Variants in TTC39B observed in about 807,000 individuals in gnomAD.
TTC39B encodes the protein tetratricopeptide repeat protein 39B.
A neutral mutation model predicts 96.6 loss-of-function variants in TTC39B; 92 were observed. The observed-to-expected ratio is 0.95, with a 90% confidence interval of 0.80 to 1.13. The LOEUF is 1.13. Ranked by LOEUF, TTC39B falls within the 50% of genes most tolerant of loss-of-function variation. TTC39B has a pLI of 0.00. For synonymous variants in TTC39B, 367 were observed against 299.4 expected (o/e 1.23, Z -2.33); for missense variants, 955 against 809.3 (o/e 1.18, Z -2.18).
chr9:15,173,538 C>T (rs907524968), intron 19 of TTC39B, among the ~76,000 whole-genome samples: 2 of 152,120 alleles, frequency 1.3e-5, no homozygotes, highest in Non-Finnish European at 2.9e-5. Context: ...CATAACTGAC[C>T]ATGCTCTTCT....
At chr9:15,181,516 G>A (rs969768613) in intron 17 of TTC39B, among the ~76,000 whole-genome samples, 1 of 152,132 alleles carries the variant, frequency 6.6e-6, no homozygotes, top group Admixed American at 6.6e-5. Flanking sequence ...AGAGTCTGAT[G>A]GCAGAGCTGG....
chr9:15,299,887 C>T (rs1824522965), intron 1 of TTC39B, among the ~76,000 whole-genome samples: 1 of 152,088 alleles, frequency 6.6e-6, no homozygotes, highest in South Asian at 2.1e-4. Context: ...ATATGTGTTA[C>T]CCAGACTTGA....
At chr9:15,200,069 T>C (rs1819445043) in intron 7 of TTC39B, 144 bp from the exon 8 acceptor site, 1 of 493,692 alleles carries the variant, frequency 2.0e-6, no homozygotes, top group South Asian at 2.9e-5. Context: ...AATTAACACA[T>C]ACTCTTGCTT....
chr9:15,232,207 T>C (rs958573115), intron 2 of TTC39B: 2 of 152,690 alleles, frequency 1.3e-5, no homozygotes, highest in East Asian at 1.9e-4. Flanking sequence ...CAAATGGCTC[T>C]TACCCATAGG....
intron 1 of TTC39B, among the ~76,000 whole-genome samples, chr9:15,280,564 G>A (rs1418002718): frequency 2.0e-5 from 3 of 152,166 alleles, no homozygotes; most frequent in African/African-American, 4.8e-5. Context: ...GCAGAGTCCC[G>A]CTATCAGCTC....
chr9:15,288,610 T>C (rs958985249), intron 1 of TTC39B, among the ~76,000 whole-genome samples: 1 of 152,124 alleles, frequency 6.6e-6, no homozygotes, highest in African/African-American at 2.4e-5. Context: ...CATTCATCCT[T>C]CAAGTCCATG....
chr9:15,230,196 A>G (rs1821346288), intron 2 of TTC39B, among the ~76,000 whole-genome samples: 1 of 152,204 alleles, frequency 6.6e-6, no homozygotes, highest in Non-Finnish European at 1.5e-5. Context: ...ATTTTGCCCT[A>G]TTTTAACGGC....
chr9:15,178,273 A>G (rs1293302592), intron 17 of TTC39B, among the ~76,000 whole-genome samples: 1 of 152,150 alleles, frequency 6.6e-6, no homozygotes, highest in Non-Finnish European at 1.5e-5. Context: ...ATACAATGAA[A>G]TTATTTTAAA....
intron 17 of TTC39B, among the ~76,000 whole-genome samples, chr9:15,178,418 A>T (rs575755528): frequency 3.4e-4 from 51 of 152,146 alleles, no homozygotes; most frequent in Admixed American, 1.0e-3. Flanking sequence ...ACAAAAAAAA[A>T]TTTTTTTAAT....
At chr9:15,191,088 A>G in intron 10 of TTC39B, 102 bp downstream of exon 10, 2 of 805,060 alleles carry the variant, frequency 2.5e-6, no homozygotes, top group Non-Finnish European at 4.1e-6. Flanking sequence ...CAAATTGCCA[A>G]TAATTATCAA....
chr9:15,191,211 A>G lies in TTC39B; in HGVS notation c.975T>C (p.Phe325=), dbSNP rs74818741. ...GTACCCTATTCCCAGAAAATCCAATAAATTCTAGTAGTCTGATAATCCTTG... is the reference window on the plus strand; with the variant it reads ...GTACCCTATTCCCAGAAAATCCAATGAATTCTAGTAGTCTGATAATCCTTG... The change falls in exon 10 of 20, where the codon TTT becomes TTC. Residue 325 remains phenylalanine, a synonymous_variant. Coordinates refer to ENST00000512701, the Ensembl canonical transcript of TTC39B. 4.5e-3 allele frequency: 7,207 copies of G among 1,609,566 alleles called. 289 individuals carry two copies. The African/African-American group carries it at 0.085, about 19-fold the overall frequency.
At chr9:15,177,040 C>T (rs1010300836) in intron 18 of TTC39B, among the ~76,000 whole-genome samples, 1 of 152,130 alleles carries the variant, frequency 6.6e-6, no homozygotes, top group African/African-American at 2.4e-5. Context: ...TCTTTACTGC[C>T]AAATTATTAT....
intron 2 of TTC39B, among the ~76,000 whole-genome samples, chr9:15,228,763 T>G (rs1821268681): frequency 6.6e-6 from 1 of 152,212 alleles, no homozygotes; most frequent in African/African-American, 2.4e-5. Flanking sequence ...ACAAACTAGT[T>G]AAAATATTAC....
chr9:15,302,700 T>C (rs1824639037), intron 1 of TTC39B, among the ~76,000 whole-genome samples: 1 of 151,406 alleles, frequency 6.6e-6, no homozygotes, highest in Non-Finnish European at 1.5e-5. Context: ...AAAAATTAGC[T>C]GGGCATGGTG....
chr9:15,210,009 A>G, intron 6 of TTC39B, 79 bp downstream of exon 6: 1 of 1,000,522 alleles, frequency 1.0e-6, no homozygotes, highest in East Asian at 2.4e-5. Flanking sequence ...TACTTTATAT[A>G]CTTCAGGATG....
intron 13 of TTC39B, among the ~76,000 whole-genome samples, chr9:15,189,090 TG>T (rs1818701499): frequency 6.6e-6 from 1 of 152,144 alleles, no homozygotes; most frequent in Admixed American, 6.5e-5. Context: ...CCCATTTGTG[TG>T]GAAAAAATGG....
At chr9:15,204,535 GA>G (rs112921225) in intron 6 of TTC39B, among the ~76,000 whole-genome samples, 8,398 of 108,968 alleles carry the variant, frequency 0.077, 816 homozygotes, top group African/African-American at 0.25. Context: ...ATCTCAAAAA[GA>G]AAAAAAAAAA....
intron 6 of TTC39B, among the ~76,000 whole-genome samples, chr9:15,207,576 G>A (rs977713643): frequency 2.6e-5 from 4 of 152,102 alleles, no homozygotes; most frequent in Non-Finnish European, 5.9e-5. Context: ...GGGGAATCCT[G>A]GCCATTTGTT....
chr9:15,275,251 G>A (rs541618731), intron 1 of TTC39B, among the ~76,000 whole-genome samples: 1 of 152,290 alleles, frequency 6.6e-6, no homozygotes, highest in Non-Finnish European at 1.5e-5. Context: ...AGGTTGGTAA[G>A]GCTGGTCTTG....
Sources: allele counts gnomAD v4.1 joint callset (sites outside exome capture counted in the v4.1 genomes callset), GRCh38; gene constraint gnomAD v4.1.1; transcripts MANE v1.5; gene names NCBI Gene and HGNC (gene_info 2026-07-23, HGNC 2026-07-21).